NEMP2: variants seen among roughly 807,000 people sequenced by gnomAD.
The protein encoded by NEMP2 is UPF0571 transmembrane protein.
In NEMP2, 53 loss-of-function variants were observed where a neutral mutation model predicts 54.2. That is an observed-to-expected ratio of 0.98 (90% CI 0.78 to 1.23). The LOEUF (loss-of-function observed/expected upper bound fraction) is 1.23, where lower values mean the gene tolerates loss of function less well. Ranked by LOEUF, NEMP2 falls within the 50% of genes most tolerant of loss-of-function variation. The probability of loss-of-function intolerance (pLI) is 0.00; values close to 1 mark genes in which losing one functional copy is unlikely to be tolerated. For missense variants in NEMP2, 455 were observed against 511.3 expected (o/e 0.89, Z 1.06); for synonymous variants, 197 against 190.3 (o/e 1.04, Z -0.29).
Position 190,528,322 on chromosome 2 carries a change from A to T in NEMP2, c.98-2944T>A, listed in dbSNP as rs752723639. Reference sequence around the variant, plus strand: ...ACACATTAAATGCTCCCAGTTAGTAAGCAGCAGAGGTGTGGGGATCAGATC... The same window carrying T: ...ACACATTAAATGCTCCCAGTTAGTATGCAGCAGAGGTGTGGGGATCAGATC... On this transcript the variant is annotated intron_variant, in intron 1 of 8. Coordinates refer to ENST00000409150, the MANE Select transcript of NEMP2 (RefSeq NM_001142645.2). The surrounding 1 kb of genome is among the most constrained non-coding windows in gnomAD (Gnocchi z 4.3). Among the ~76,000 whole-genome samples the T allele has an allele frequency of 2.0e-4, 30 of 152,200 alleles. No homozygotes were observed. Among genetic ancestry groups the T allele is most frequent in the South Asian group, 4.1e-4 (2 of 4,828 alleles).
chr2:190,462,468 A>G, the NEMP2 span, among the ~76,000 whole-genome samples: 18 of 152,168 alleles, frequency 1.2e-4, no homozygotes, highest in Admixed American at 2.6e-4. The surrounding 1 kb of genome is among the most constrained non-coding windows in gnomAD (Gnocchi z 5.7). Flanking sequence ...ATATTTTATC[A>G]GTTTACATAA....
At chr2:190,603,049 T>C in the NEMP2 span, among the ~76,000 whole-genome samples, 8 of 152,160 alleles carry the variant, frequency 5.3e-5, no homozygotes, top group South Asian at 1.7e-3. Flanking sequence ...TCATGAAATT[T>C]TCCTTTGAGG....
the NEMP2 span, among the ~76,000 whole-genome samples, chr2:190,548,099 G>A: frequency 6.6e-6 from 1 of 151,640 alleles, no homozygotes; most frequent in South Asian, 2.1e-4. Flanking sequence ...GAGGGAGGAT[G>A]TAGACTCCTT....
chr2:190,605,436 G>A, the NEMP2 span, among the ~76,000 whole-genome samples: 10 of 151,774 alleles, frequency 6.6e-5, no homozygotes, highest in Non-Finnish European at 1.0e-4. Context: ...GTGCAGTGGC[G>A]CAATCTCAGG....
the NEMP2 span, chr2:190,488,943 T>A: frequency 1.0e-6 from 1 of 991,978 alleles, no homozygotes; most frequent in Non-Finnish European, 1.4e-6. This position sits in a 1 kb window ranked among gnomAD's most constrained non-coding sequence, Gnocchi z 6.4. Flanking sequence ...GTATTCATAA[T>A]CTCTTTCTAG....
rs1359167151 is a variant in NEMP2, at chr2:190,522,879, T to G, written c.213+2384A>C. 6.6e-6 allele frequency among the ~76,000 whole-genome samples: 1 copy of G among 152,172 alleles called. No homozygotes were observed. Among genetic ancestry groups the G allele is most frequent in the Non-Finnish European group, 1.5e-5 (1 of 68,022 alleles). ...ACACTGCACCCCTCTCTGCTTCAAG[T>G]TGTCCCACCTTTCTGGACCTAACTA... is the stretch of plus-strand genomic sequence containing the variant. On this transcript the variant is annotated intron_variant, in intron 2 of 8. Coordinates refer to ENST00000409150, the MANE Select transcript of NEMP2 (RefSeq NM_001142645.2). This position sits in a 1 kb window ranked among gnomAD's most constrained non-coding sequence, Gnocchi z 5.0.
the NEMP2 span, chr2:190,437,096 A>T: frequency 6.2e-7 from 1 of 1,614,260 alleles, no homozygotes; most frequent in Non-Finnish European, 8.5e-7. This position sits in a 1 kb window ranked among gnomAD's most constrained non-coding sequence, Gnocchi z 5.9. Flanking sequence ...GTGCTCATCG[A>T]TGGAAAGGGG....
the NEMP2 span, among the ~76,000 whole-genome samples, chr2:190,426,418 G>T: frequency 6.6e-6 from 1 of 151,520 alleles, no homozygotes; most frequent in African/African-American, 2.4e-5. This position sits in a 1 kb window ranked among gnomAD's most constrained non-coding sequence, Gnocchi z 4.7. Flanking sequence ...GAGACTTTCT[G>T]TTTTTTTTGT....
chr2:190,528,383 G>A lies in NEMP2; in HGVS notation c.98-3005C>T, dbSNP rs1273694187. Reference sequence around the variant, plus strand: ...CCTTGTCATGTTCTGCCTTTGCACAGCCTCCTCGGGGGGGTCTCTAAGCAT... The same window carrying A: ...CCTTGTCATGTTCTGCCTTTGCACAACCTCCTCGGGGGGGTCTCTAAGCAT... On this transcript the variant is annotated intron_variant, in intron 1 of 8. Coordinates refer to ENST00000409150, the MANE Select transcript of NEMP2 (RefSeq NM_001142645.2). This position sits in a 1 kb window ranked among gnomAD's most constrained non-coding sequence, Gnocchi z 4.3. Among the ~76,000 whole-genome samples, 1 of 152,192 alleles carries A rather than the reference G, an allele frequency of 6.6e-6. No homozygotes were observed. The highest frequency in any genetic ancestry group is 1.9e-4 in the East Asian group (1 of 5,206).
the NEMP2 span, among the ~76,000 whole-genome samples, chr2:190,644,518 A>C: frequency 4.3e-4 from 65 of 152,366 alleles, no homozygotes; most frequent in African/African-American, 1.2e-3. This position sits in a 1 kb window ranked among gnomAD's most constrained non-coding sequence, Gnocchi z 4.4. Context: ...GAAGCACAAA[A>C]AAAATTATTC....
rs1229812421 is a variant in NEMP2, at chr2:190,527,637, C to T, written c.98-2259G>A. 6.6e-6 allele frequency among the ~76,000 whole-genome samples: 1 copy of T among 152,078 alleles called. No individual in the cohort carries two copies. Among genetic ancestry groups the T allele is most frequent in the Non-Finnish European group, 1.5e-5 (1 of 68,012 alleles). On this transcript the variant is annotated intron_variant, in intron 1 of 8. Coordinates refer to ENST00000409150, the MANE Select transcript of NEMP2 (RefSeq NM_001142645.2). This position sits in a 1 kb window ranked among gnomAD's most constrained non-coding sequence, Gnocchi z 4.0. ...AGCCAGTAAAAACCACAAGAAGGAA[C>T]CTCTAGAGCAAAGGTCCCCAACCCT...
the NEMP2 span, among the ~76,000 whole-genome samples, chr2:190,544,705 A>T: frequency 6.6e-6 from 1 of 152,182 alleles, no homozygotes; most frequent in Non-Finnish European, 1.5e-5. Flanking sequence ...GTTAATCTGA[A>T]AAAAGCAAAG....
chr2:190,594,285 G>A, the NEMP2 span, among the ~76,000 whole-genome samples: 2 of 152,222 alleles, frequency 1.3e-5, no homozygotes, highest in East Asian at 1.9e-4. The surrounding 1 kb of genome is among the most constrained non-coding windows in gnomAD (Gnocchi z 5.6). Flanking sequence ...CATAACTAAA[G>A]CAGCCACACA....
chr2:190,604,496 C>A, the NEMP2 span, among the ~76,000 whole-genome samples: 1 of 152,180 alleles, frequency 6.6e-6, no homozygotes, highest in Non-Finnish European at 1.5e-5. The surrounding 1 kb of genome is among the most constrained non-coding windows in gnomAD (Gnocchi z 4.5). Flanking sequence ...CACAATGTGC[C>A]TACTCAGCCC....
chr2:190,555,979 A>G, the NEMP2 span, among the ~76,000 whole-genome samples: 1 of 152,238 alleles, frequency 6.6e-6, no homozygotes, highest in African/African-American at 2.4e-5. The surrounding 1 kb of genome is among the most constrained non-coding windows in gnomAD (Gnocchi z 4.8). Flanking sequence ...TCATTTTAGG[A>G]GGCCAGCATC....
chr2:190,436,369 G>A, the NEMP2 span: 6 of 1,614,158 alleles, frequency 3.7e-6, no homozygotes, highest in Non-Finnish European at 4.2e-6. The surrounding 1 kb of genome is among the most constrained non-coding windows in gnomAD (Gnocchi z 5.3). Context: ...TTACTTCATT[G>A]AATTCTGCAG....
At chr2:190,516,931 A>T (rs958440598) in intron 5 of NEMP2, among the ~76,000 whole-genome samples, 3 of 152,036 alleles carry the variant, frequency 2.0e-5, no homozygotes, top group Admixed American at 6.6e-5. Context: ...TCTCTACAAA[A>T]AATACAAAAA....
At chr2:190,515,254 C>T (rs760000178) in intron 6 of NEMP2, among the ~76,000 whole-genome samples, 19 of 152,104 alleles carry the variant, frequency 1.2e-4, no homozygotes, top group South Asian at 2.1e-4. Context: ...ACAGAAAATA[C>T]GCAGAAGAGA....
chr2:190,603,811 CT>C, the NEMP2 span, among the ~76,000 whole-genome samples: 1 of 151,868 alleles, frequency 6.6e-6, no homozygotes, highest in East Asian at 1.9e-4. Flanking sequence ...CAGCTAATGT[CT>C]GTCAAATATT....
Sources: gnomAD v4.1 joint callset for allele counts (sites outside exome capture counted in the v4.1 genomes callset) on GRCh38, gnomAD v4.1.1 for gene constraint, Gnocchi (gnomAD v3.1) non-coding constraint, MANE v1.5 for transcripts, NCBI Gene and HGNC (gene_info 2026-07-23, HGNC 2026-07-21) for gene names.